Variants in NFRKB observed in about 807,000 individuals in gnomAD.
The protein encoded by NFRKB is nuclear factor related to kappa-B-binding protein.
NFRKB carries 62 observed loss-of-function variants against 135.7 expected under a neutral mutation model. The observed-to-expected ratio is 0.46, with a 90% CI of 0.37 to 0.56. The LOEUF (loss-of-function observed/expected upper bound fraction) is 0.56, where lower values mean the gene tolerates loss of function less well. Among genes scored for constraint, NFRKB ranks in the 20% least tolerant of loss-of-function variants. The probability of loss-of-function intolerance (pLI) is 0.00; values close to 1 mark genes in which losing one functional copy is unlikely to be tolerated. For missense variants in NFRKB, 1,545 were observed against 1,662.0 expected, an observed-to-expected ratio of 0.93 and a Z score of 1.22; for synonymous variants, 678 against 635.6, an observed-to-expected ratio of 1.07 and a Z score of -1.00.
rs1031458322 is a variant in NFRKB, at chr11:129,882,645, G to A, written c.902-14C>T. The A allele has an allele frequency of 2.5e-6, 4 of 1,610,986 alleles. No individual in the cohort carries two copies. In the Admixed American group the frequency reaches 5.0e-5, roughly 20 times the overall value. Reference sequence around the variant, plus strand: ...AGTCATATAAGGCTAGAAAGGCAAAGTAACACCAGTCACAGAAATGTATCT... The same window carrying A: ...AGTCATATAAGGCTAGAAAGGCAAAATAACACCAGTCACAGAAATGTATCT... On this transcript the variant is annotated splice_polypyrimidine_tract_variant and intron_variant, in intron 9 of 26. Transcript: ENST00000682444.
chr11:129,876,209 TCAGACC>T (rs1948760033), intron 17 of NFRKB, among the ~76,000 whole-genome samples: 1 of 152,212 alleles, frequency 6.6e-6, no homozygotes. Flanking sequence ...TCAAGAAATG[TCAGACC>T]TCCTGCTAGA....
chr11:129,892,693 T>A (rs779931174), intron 3 of NFRKB, 22 bp downstream of exon 3: 1 of 1,611,608 alleles, frequency 6.2e-7, no homozygotes, highest in Non-Finnish European at 8.5e-7. Context: ...GAGGAAAAGG[T>A]CACAACCGTG....
intron 17 of NFRKB, 144 bp downstream of exon 17, chr11:129,876,577 A>G (rs1948775553): frequency 1.2e-6 from 1 of 818,394 alleles, no homozygotes; most frequent in East Asian, 2.9e-5. Flanking sequence ...TCAGCTCCCA[A>G]ACTGCAATGC....
intron 5 of NFRKB, 79 bp from the exon 6 acceptor site, chr11:129,885,688 T>G: frequency 7.2e-7 from 1 of 1,387,642 alleles, no homozygotes; most frequent in Non-Finnish European, 9.6e-7. Flanking sequence ...AAGTCTACAT[T>G]TTCTTCTCTT....
rs760216696 is a variant in NFRKB at position 129,886,453 on chromosome 11, A to T, written c.338-9T>A. On this transcript the variant is annotated splice_polypyrimidine_tract_variant and intron_variant, in intron 4 of 26. Coordinates refer to ENST00000682444, the MANE Select transcript of NFRKB (RefSeq NM_001143835.2). ...GGGGTTAAAGTGTCCGTCTTAAAAAAATAAAGGTATATATATTTACATCAA... is the reference window on the plus strand; with the variant it reads ...GGGGTTAAAGTGTCCGTCTTAAAAATATAAAGGTATATATATTTACATCAA... 2 of 1,613,050 alleles carry T rather than the reference A, an allele frequency of 1.2e-6. No homozygotes were observed. Among genetic ancestry groups the T allele is most frequent in the South Asian group, 2.2e-5 (2 of 91,060 alleles).
At chr11:129,893,471 G>A (rs1949651376) in intron 2 of NFRKB, 2 of 252,162 alleles carry the variant, frequency 7.9e-6, no homozygotes, top group Non-Finnish European at 1.6e-5. Flanking sequence ...GAGGTGGGAG[G>A]ATCGCTTGAA....
chr11:129,887,803 C>T (rs1591529034), intron 4 of NFRKB, among the ~76,000 whole-genome samples: 1 of 152,126 alleles, frequency 6.6e-6, no homozygotes, highest in African/African-American at 2.4e-5. Context: ...TTTGGGAGGC[C>T]GAGGCGGGCA....
chr11:129,879,438 T>C (rs1419444124), intron 13 of NFRKB, among the ~76,000 whole-genome samples: 2 of 152,126 alleles, frequency 1.3e-5, no homozygotes, highest in East Asian at 1.9e-4. Context: ...GCTACCATCA[T>C]CACCTTCAGC....
In NFRKB at chr11:129,871,847, C is replaced by T. The variant is rs1161777532; in HGVS notation, c.2763+1037G>A. Among the ~76,000 whole-genome samples the T allele has an allele frequency of 3.3e-5, 5 of 152,136 alleles. No homozygotes were observed. In the South Asian group the frequency reaches 6.2e-4, roughly 19 times the overall value. On this transcript the variant is annotated intron_variant, in intron 23 of 26. Transcript: ENST00000682444. ...CCTTGCTCACCATCTTCCAGTGGTT[C>T]CCCCTCACATTTAAATTAACGTCAA...
chr11:129,894,038 A>G (rs1949672429), intron 2 of NFRKB: 1 of 152,202 alleles, frequency 6.6e-6, no homozygotes, highest in African/African-American at 2.4e-5. Context: ...AATCATGTAA[A>G]TTAATGCTAC....
intron 23 of NFRKB, among the ~76,000 whole-genome samples, chr11:129,870,652 C>T (rs985197347): frequency 3.9e-5 from 6 of 152,118 alleles, no homozygotes; most frequent in African/African-American, 1.4e-4. Context: ...ACTGCAGCCT[C>T]GAACTCCTGG....
chr11:129,893,769 C>G (rs1222299618), intron 2 of NFRKB, among the ~76,000 whole-genome samples: 1 of 152,176 alleles, frequency 6.6e-6, no homozygotes, highest in Admixed American at 6.5e-5. Context: ...GGAATTAAAA[C>G]TGAAAATCAG....
intron 17 of NFRKB, 46 bp downstream of exon 17, chr11:129,876,675 G>A (rs1313050185): frequency 7.8e-6 from 12 of 1,543,020 alleles, no homozygotes; most frequent in African/African-American, 5.5e-5. Context: ...GAGAAAAGCT[G>A]CGGGGTGAAG....
chr11:129,892,987 C>T, intron 2 of NFRKB, 117 bp from the exon 3 acceptor site: 2 of 1,552,394 alleles, frequency 1.3e-6, no homozygotes, highest in Admixed American at 1.8e-5. Context: ...CTTATCCTTG[C>T]ACCCTAATTA....
intron 13 of NFRKB, among the ~76,000 whole-genome samples, chr11:129,881,010 A>G (rs1949001445): frequency 6.6e-6 from 1 of 152,202 alleles, no homozygotes; most frequent in African/African-American, 2.4e-5. Flanking sequence ...GGGCTTTATA[A>G]ACTTAAAAAT....
intron 24 of NFRKB, among the ~76,000 whole-genome samples, chr11:129,868,237 G>A (rs1948305236): frequency 6.6e-6 from 1 of 152,174 alleles, no homozygotes; most frequent in Admixed American, 6.5e-5. Flanking sequence ...TCTTCTGGAT[G>A]TTATAAAAAG....
Position 129,878,463 on chromosome 11 carries a change from C to G in NFRKB, c.1464+1G>C. 1 of 1,613,948 alleles carries G rather than the reference C, an allele frequency of 6.2e-7. No individual in the cohort carries two copies. Among genetic ancestry groups the G allele is most frequent in the South Asian group, 1.1e-5 (1 of 91,080 alleles). ...ATCTGGTATTTCTTAAAAAAACATA[C>G]CTTACAGAAGGCCTGATCTTTGGTC... On this transcript the variant is annotated splice_donor_variant, in intron 14 of 26. Coordinates refer to ENST00000682444, the MANE Select transcript of NFRKB (RefSeq NM_001143835.2). LOFTEE classifies it high-confidence loss of function.
At chr11:129,876,976 C>A in intron 16 of NFRKB, 81 bp from the exon 17 acceptor site, 1 of 1,291,764 alleles carries the variant, frequency 7.7e-7, no homozygotes, top group South Asian at 1.4e-5. Context: ...ATAAGCAGAT[C>A]CACATGGAAC....
intron 13 of NFRKB, 22 bp from the exon 14 acceptor site, chr11:129,878,565 A>T (rs1475510922): frequency 1.9e-6 from 3 of 1,591,938 alleles, no homozygotes; most frequent in South Asian, 1.1e-5. Flanking sequence ...ATAAAGAGAT[A>T]AAAAAATAAG....
Sources: gnomAD v4.1 joint callset for allele counts (sites outside exome capture counted in the v4.1 genomes callset) on GRCh38, gnomAD v4.1.1 for gene constraint, MANE v1.5 for transcripts, NCBI Gene and HGNC (gene_info 2026-07-23, HGNC 2026-07-21) for gene names.